The following PLD5 variants were observed in gnomAD, a reference collection of about 807,000 sequenced individuals.
PLD5 encodes phospholipase D family member 5.
PLD5 carries 36 observed loss-of-function variants against 61.1 expected under a neutral mutation model. The observed-to-expected ratio is 0.59, with a 90% confidence interval of 0.45 to 0.78. PLD5 has a LOEUF of 0.78. PLD5 is among the 30% of genes least tolerant of loss of function. The pLI is 0.00. For synonymous variants in PLD5, 243 were observed against 242.8 expected (o/e 1.00, Z -0.01); for missense variants, 515 against 644.4 (o/e 0.80, Z 2.17).
intron 8 of PLD5, among the ~76,000 whole-genome samples, chr1:242,105,222 GTT>G (rs570259900): frequency 1.4e-5 from 2 of 146,576 alleles, no homozygotes. Context: ...CTGTGTGTTG[GTT>G]TTTTTTTTTT....
chr1:242,395,451 T>C (rs1663517217), intron 1 of PLD5, among the ~76,000 whole-genome samples: 1 of 152,136 alleles, frequency 6.6e-6, no homozygotes, highest in African/African-American at 2.4e-5. Context: ...CTACTTTCTA[T>C]TTTTCTAGGG....
rs75006572 is a variant in PLD5 at position 242,212,465 on chromosome 1, C to T, written c.735+7523G>A. ...CTCAGCAGCAGGGAGGCTTGCAGACCTGGAGCCAACAGATGCTCCCAGGAA... is the reference window on the plus strand; with the variant it reads ...CTCAGCAGCAGGGAGGCTTGCAGACTTGGAGCCAACAGATGCTCCCAGGAA... On this transcript the variant is annotated intron_variant, in intron 5 of 9. Coordinates refer to ENST00000536534, the MANE Select transcript of PLD5 (RefSeq NM_001372062.1). Among the ~76,000 whole-genome samples, 1,172 of 152,334 alleles carry T rather than the reference C, an allele frequency of 7.7e-3. 13 individuals carry two copies. The highest frequency in any genetic ancestry group is 0.026 in the African/African-American group (1,100 of 41,556).
At chr1:242,422,810 TAAC>T (rs1313714953) in intron 1 of PLD5, among the ~76,000 whole-genome samples, 1 of 151,128 alleles carries the variant, frequency 6.6e-6, no homozygotes, top group Non-Finnish European at 1.5e-5. Context: ...CACATTGAGG[TAAC>T]AATCTAGGCA....
chr1:242,239,707 CG>C (rs34734949), intron 4 of PLD5, among the ~76,000 whole-genome samples: 2,115 of 152,290 alleles, frequency 0.014, 24 homozygotes, highest in Non-Finnish European at 0.022. Context: ...GCACATCCAC[CG>C]CTTAACCAAC....
intron 7 of PLD5, among the ~76,000 whole-genome samples, chr1:242,109,051 A>G (rs1308822409): frequency 6.6e-6 from 1 of 152,208 alleles, no homozygotes; most frequent in East Asian, 1.9e-4. Flanking sequence ...TTTTATACCC[A>G]TGAAGCTGAG....
intron 2 of PLD5, among the ~76,000 whole-genome samples, chr1:242,308,973 G>C (rs996793428): frequency 6.6e-6 from 1 of 152,148 alleles, no homozygotes; most frequent in African/African-American, 2.4e-5. Flanking sequence ...GGGGACGTAA[G>C]GGGGAGAAAG....
intron 5 of PLD5, among the ~76,000 whole-genome samples, chr1:242,160,792 G>A (rs1421840357): frequency 1.3e-5 from 2 of 152,068 alleles, no homozygotes; most frequent in Non-Finnish European, 2.9e-5. Context: ...GGCTGAGGCA[G>A]GAGAATTGCT....
At chr1:242,284,332 T>C (rs1674900226) in intron 3 of PLD5, among the ~76,000 whole-genome samples, 1 of 151,826 alleles carries the variant, frequency 6.6e-6, no homozygotes. Context: ...AGACGGGGTT[T>C]CACCATGTTT....
rs59115471 is a variant in PLD5 at position 242,194,614 on chromosome 1, CTATG to C, written c.735+25370_735+25373del. Among the ~76,000 whole-genome samples the C allele has an allele frequency of 2.4e-3, 150 of 62,612 alleles. 1 individual carries two copies. The highest frequency in any genetic ancestry group is 6.9e-3 in the African/African-American group (112 of 16,288). 41.1% of individuals were successfully genotyped at this position (62,612 alleles called of 152,430 possible). On this transcript the variant is annotated intron_variant, in intron 5 of 9. Coordinates refer to ENST00000536534, the MANE Select transcript of PLD5 (RefSeq NM_001372062.1). ...TCTATCTATCTATCTATGTATCTAT[CTATG>C]TATCTATCTATCTATCTATCTATCT...
At chr1:242,482,443 G>C (rs894711486) in intron 1 of PLD5, among the ~76,000 whole-genome samples, 11 of 152,202 alleles carry the variant, frequency 7.2e-5, no homozygotes, top group Admixed American at 6.5e-4. Context: ...TGATCAACTG[G>C]AAGAAAGGGT....
chr1:242,295,241 C>A (rs1444944469), intron 2 of PLD5, among the ~76,000 whole-genome samples: 1 of 152,096 alleles, frequency 6.6e-6, no homozygotes, highest in Non-Finnish European at 1.5e-5. Context: ...ACCCAAACAG[C>A]GAACATACTA....
chr1:242,519,042 C>T (rs570530486), intron 1 of PLD5, among the ~76,000 whole-genome samples: 3 of 152,176 alleles, frequency 2.0e-5, no homozygotes, highest in Admixed American at 6.5e-5. Flanking sequence ...TATCTAAAAC[C>T]GCAGGAAATG....
intron 1 of PLD5, among the ~76,000 whole-genome samples, chr1:242,480,777 C>CA (rs1667745990): frequency 6.6e-6 from 1 of 152,078 alleles, no homozygotes; most frequent in African/African-American, 2.4e-5. Flanking sequence ...TAGGCAAATG[C>CA]AAATTAAAAA....
intron 1 of PLD5, among the ~76,000 whole-genome samples, chr1:242,352,567 A>G (rs891864711): frequency 3.3e-5 from 5 of 152,180 alleles, no homozygotes; most frequent in Non-Finnish European, 7.4e-5. Context: ...TAAATACCCA[A>G]AGGTAGGACT....
chr1:242,111,287 C>G (rs892031893), intron 7 of PLD5, among the ~76,000 whole-genome samples: 8 of 152,078 alleles, frequency 5.3e-5, no homozygotes, highest in Non-Finnish European at 5.9e-5. Flanking sequence ...GAACTCCTGA[C>G]CTCAGGTGAT....
rs561833787 is a variant in PLD5 at position 242,524,407 on chromosome 1, G to C, written c.-131C>G. 1,414 of 928,274 alleles carry C rather than the reference G, an allele frequency of 1.5e-3. 19 individuals are homozygous for C. In the African/African-American group the frequency reaches 0.023, roughly 15 times the overall value. The allele number at this position is 928,274 out of a possible 1,614,324, so 57.5% of individuals were successfully genotyped here. A position where few individuals can be genotyped will look rare whatever the true frequency, so the allele number is the denominator to read the frequency against. On this transcript the variant is annotated 5_prime_UTR_variant, in exon 1 of 10. Transcript: ENST00000536534. ...GCTGGAGACTGAGCTGGAGGAGCTG[G>C]AGGAGCGAGCGGGCGCGGGGAGCGC...
chr1:242,417,024 A>G (rs991655221), intron 1 of PLD5, among the ~76,000 whole-genome samples: 8 of 152,230 alleles, frequency 5.3e-5, no homozygotes, highest in Non-Finnish European at 7.3e-5. Context: ...TCTATAAAAT[A>G]TATAATATTT....
intron 5 of PLD5, among the ~76,000 whole-genome samples, chr1:242,175,284 T>C (rs1667058809): frequency 6.6e-6 from 1 of 152,160 alleles, no homozygotes; most frequent in Admixed American, 6.6e-5. Flanking sequence ...CTAGGATGCA[T>C]GGCTGGTTCA....
intron 2 of PLD5, among the ~76,000 whole-genome samples, chr1:242,301,704 C>T (rs1317541277): frequency 6.6e-6 from 1 of 151,982 alleles, no homozygotes. Flanking sequence ...CATAAGACTG[C>T]AACAGTTGTA....
Sources: gnomAD v4.1 joint callset for allele counts (sites outside exome capture counted in the v4.1 genomes callset) on GRCh38, gnomAD v4.1.1 for gene constraint, MANE v1.5 for transcripts, NCBI Gene and HGNC (gene_info 2026-07-23, HGNC 2026-07-21) for gene names.